The following MCTP1 variants were observed in gnomAD, a reference collection of about 807,000 sequenced individuals.
MCTP1 encodes the protein multiple C2 and transmembrane domain-containing protein 1.
In MCTP1, 69 loss-of-function variants were observed where a neutral mutation model predicts 120.6. The ratio of observed to expected loss-of-function variants is 0.57; its 90% confidence interval spans 0.47 to 0.70. The LOEUF is 0.70. MCTP1 is among the 30% of genes least tolerant of loss of function. MCTP1 has a pLI of 0.00. For synonymous variants in MCTP1, 529 were observed against 493.1 expected (o/e 1.07, Z -0.96); for missense variants, 1,203 against 1,248.8 (o/e 0.96, Z 0.55).
intron 18 of MCTP1, among the ~76,000 whole-genome samples, chr5:94,796,634 T>C (rs1176560027): frequency 4.5e-5 from 3 of 66,460 alleles, no homozygotes; most frequent in African/African-American, 1.3e-4. Context: ...ATATATATTA[T>C]ATATGTAATA....
intron 2 of MCTP1, among the ~76,000 whole-genome samples, chr5:95,005,526 G>A (rs978813287): frequency 1.3e-5 from 2 of 152,122 alleles, no homozygotes; most frequent in Admixed American, 1.3e-4. Flanking sequence ...CTGGTGGGTG[G>A]CGACTGAATC....
chr5:95,026,064 T>C (rs1375605323), intron 1 of MCTP1, among the ~76,000 whole-genome samples: 1 of 152,110 alleles, frequency 6.6e-6, no homozygotes, highest in East Asian at 1.9e-4. Flanking sequence ...CGGGAATGCC[T>C]CCTGACCTTT....
At chr5:95,075,619 A>G (rs1467672623) in intron 1 of MCTP1, among the ~76,000 whole-genome samples, 1 of 152,220 alleles carries the variant, frequency 6.6e-6, no homozygotes, top group African/African-American at 2.4e-5. Flanking sequence ...AAAAACACCT[A>G]GATGGAGACG....
chr5:95,257,645 C>T (rs1758026571), intron 1 of MCTP1, among the ~76,000 whole-genome samples: 1 of 152,030 alleles, frequency 6.6e-6, no homozygotes, highest in African/African-American at 2.4e-5. Flanking sequence ...ACTTAGTGCC[C>T]AGATCTTGTC....
In MCTP1 at chr5:94,714,659, A is replaced by T. The variant is rs1758419254; in HGVS notation, c.2720+118T>A. On this transcript the variant is annotated intron_variant, in intron 20 of 22. Transcript: ENST00000515393. ...AAAGTAAATAATGATGAAACTGAGC[A>T]ATAGAGCACCCAGAAGGAGTGTCCC... 6.8e-6 allele frequency: 5 copies of T among 730,896 alleles called. No homozygotes were observed. In the Middle Eastern group the frequency reaches 7.0e-4, roughly 102 times the overall value. 45.3% of individuals were successfully genotyped at this position (730,896 alleles called of 1,614,324 possible). A position where few individuals can be genotyped will look rare whatever the true frequency, so the allele number is the denominator to read the frequency against.
intron 10 of MCTP1, among the ~76,000 whole-genome samples, chr5:94,903,984 T>C (rs1472002366): frequency 6.6e-6 from 1 of 152,170 alleles, no homozygotes; most frequent in African/African-American, 2.4e-5. Flanking sequence ...GTAACAATCA[T>C]GGGGATTTAT....
At chr5:94,765,781 G>GT (rs992136221) in intron 19 of MCTP1, among the ~76,000 whole-genome samples, 8 of 149,700 alleles carry the variant, frequency 5.3e-5, no homozygotes, top group Admixed American at 2.0e-4. Flanking sequence ...TAAAACACTG[G>GT]TTTTTTTGAA....
chr5:95,093,907 G>A (rs1208553966), intron 1 of MCTP1, among the ~76,000 whole-genome samples: 1 of 152,166 alleles, frequency 6.6e-6, no homozygotes, highest in Non-Finnish European at 1.5e-5. Flanking sequence ...ATACCACAAG[G>A]AAACCCAAGC....
chr5:94,778,873 A>T (rs376114970), intron 19 of MCTP1, among the ~76,000 whole-genome samples: 3 of 152,078 alleles, frequency 2.0e-5, no homozygotes, highest in African/African-American at 7.2e-5. Flanking sequence ...AAGCTGAATT[A>T]TTTTTTTGTT....
At chr5:94,906,640 C>T (rs1207030474) in intron 10 of MCTP1, among the ~76,000 whole-genome samples, 3 of 151,998 alleles carry the variant, frequency 2.0e-5, no homozygotes, top group African/African-American at 7.3e-5. Flanking sequence ...TTTGCATTTA[C>T]AAAATATATT....
chr5:94,925,445 G>A (rs542578536), intron 6 of MCTP1, among the ~76,000 whole-genome samples: 1 of 151,866 alleles, frequency 6.6e-6, no homozygotes, highest in African/African-American at 2.4e-5. Context: ...GTCTTGCTCT[G>A]TCGCCCAGGC....
At chr5:95,069,793 G>A (rs1250677862) in intron 1 of MCTP1, among the ~76,000 whole-genome samples, 1 of 151,666 alleles carries the variant, frequency 6.6e-6, no homozygotes, top group Non-Finnish European at 1.5e-5. Context: ...CTGCCTCCCG[G>A]GTTCAAGCTA....
intron 17 of MCTP1, among the ~76,000 whole-genome samples, chr5:94,804,585 C>T (rs897503458): frequency 6.6e-6 from 1 of 151,922 alleles, no homozygotes; most frequent in Non-Finnish European, 1.5e-5. Flanking sequence ...ACTACAGGCG[C>T]CCGCCACCAC....
intron 1 of MCTP1, among the ~76,000 whole-genome samples, chr5:95,098,281 A>G (rs1341256246): frequency 6.6e-6 from 1 of 152,152 alleles, no homozygotes; most frequent in Middle Eastern, 3.2e-3. Context: ...GGTAGGGGTG[A>G]GCTGTTTTTC....
Position 94,870,518 on chromosome 5 carries a change from T to C in MCTP1, c.2242-27A>G, listed in dbSNP as rs770982018. 21 of 1,423,992 alleles carry C rather than the reference T, an allele frequency of 1.5e-5. No homozygotes were observed. The African/African-American group carries it at 2.5e-4, about 17-fold the overall frequency. The allele number at this position is 1,423,992 out of a possible 1,614,324, so 88.2% of individuals were successfully genotyped here. A position where few individuals can be genotyped will look rare whatever the true frequency, so the allele number is the denominator to read the frequency against. On this transcript the variant is annotated intron_variant, in intron 15 of 22. Transcript: ENST00000515393. ...TATACATCAACATATGTGTCTGTTA[T>C]GGATTAATATATTACAAATGTTTAC... is the stretch of plus-strand genomic sequence containing the variant.
intron 19 of MCTP1, among the ~76,000 whole-genome samples, chr5:94,742,579 A>G (rs1765770395): frequency 6.6e-6 from 1 of 152,134 alleles, no homozygotes; most frequent in Admixed American, 6.5e-5. Context: ...AATGATCCCA[A>G]TTACTGCCTG....
intron 2 of MCTP1, among the ~76,000 whole-genome samples, chr5:94,984,205 T>C (rs761115318): frequency 3.3e-5 from 5 of 152,236 alleles, no homozygotes; most frequent in Non-Finnish European, 5.9e-5. Flanking sequence ...CATTCTTCTC[T>C]ATTAACCATC....
chr5:94,827,160 C>T (rs988997396), intron 17 of MCTP1, among the ~76,000 whole-genome samples: 2 of 152,100 alleles, frequency 1.3e-5, no homozygotes, highest in African/African-American at 4.8e-5. Flanking sequence ...GTAAGGCAGA[C>T]CTGGTGGTGA....
At chr5:94,712,115 T>G (rs1307802873) in intron 20 of MCTP1, among the ~76,000 whole-genome samples, 2 of 152,166 alleles carry the variant, frequency 1.3e-5, no homozygotes, top group South Asian at 4.1e-4. Context: ...CAGATTTGTA[T>G]TCAAAGCCTA....
Sources: gnomAD v4.1 joint callset for allele counts (sites outside exome capture counted in the v4.1 genomes callset) on GRCh38, gnomAD v4.1.1 for gene constraint, MANE v1.5 for transcripts, NCBI Gene and HGNC (gene_info 2026-07-23, HGNC 2026-07-21) for gene names.